The following CPAMD8 variants were observed in gnomAD, a reference collection of about 807,000 sequenced individuals.
CPAMD8 encodes the protein C3 and PZP like alpha-2-macroglobulin domain containing 8.
A neutral mutation model predicts 224.7 loss-of-function variants in CPAMD8; 146 were observed. The observed-to-expected ratio is 0.65, with a 90% CI of 0.57 to 0.75. The LOEUF (loss-of-function observed/expected upper bound fraction) is 0.75, where lower values mean the gene tolerates loss of function less well. Among genes scored for constraint, CPAMD8 ranks in the 30% least tolerant of loss-of-function variants. CPAMD8 has a pLI of 0.00. For missense variants in CPAMD8, 2,301 were observed against 2,537.5 expected, an observed-to-expected ratio of 0.91 and a Z score of 2.00; for synonymous variants, 966 against 1,044.6, an observed-to-expected ratio of 0.92 and a Z score of 1.45.
At chr19:17,020,473 A>G (rs1442741962) in intron 2 of CPAMD8, 120 bp from the exon 3 acceptor site, 2 of 728,220 alleles carry the variant, frequency 2.7e-6, no homozygotes, top group African/African-American at 1.8e-5. Flanking sequence ...GTGGACAAAC[A>G]CACCCTGGGT....
chr19:16,906,370 CTTTCTTTCT>C (rs2052494000), intron 30 of CPAMD8, among the ~76,000 whole-genome samples: 4 of 90,764 alleles, frequency 4.4e-5, no homozygotes, highest in South Asian at 8.3e-4. Flanking sequence ...TTCTTTCTTT[CTTTCTTTCT>C]TTCTTTCTTT....
intron 18 of CPAMD8, among the ~76,000 whole-genome samples, chr19:16,958,120 GT>G (rs2054533143): frequency 6.6e-6 from 1 of 152,058 alleles, no homozygotes; most frequent in African/African-American, 2.4e-5. Context: ...GACATAACTT[GT>G]TTTTTTAAAA....
intron 1 of CPAMD8, among the ~76,000 whole-genome samples, chr19:17,025,486 A>G (rs981209575): frequency 6.6e-6 from 1 of 152,184 alleles, no homozygotes; most frequent in African/African-American, 2.4e-5. Context: ...AGGGTCTCTC[A>G]TTGGAGCCAA....
chr19:16,934,758 A>G (rs1386671069), intron 23 of CPAMD8, among the ~76,000 whole-genome samples: 1 of 152,198 alleles, frequency 6.6e-6, no homozygotes, highest in East Asian at 1.9e-4. Context: ...AATTTCTGCA[A>G]TACACATGTA....
chr19:16,934,681 A>G (rs1193613268), intron 23 of CPAMD8, among the ~76,000 whole-genome samples: 6 of 152,186 alleles, frequency 3.9e-5, no homozygotes, highest in Non-Finnish European at 8.8e-5. Context: ...AGCAAATACA[A>G]CAAAATGTCA....
In CPAMD8 at chr19:16,977,766, G is replaced by A. The variant is rs930325592; in HGVS notation, c.1586-226C>T. ...GTCACCATGGGCTCCTACAGAGCAGGCTGGAATTTGCCTAGAATCATCCTC... is the reference window on the plus strand; with the variant it reads ...GTCACCATGGGCTCCTACAGAGCAGACTGGAATTTGCCTAGAATCATCCTC... On this transcript the variant is annotated intron_variant, in intron 14 of 41. Transcript: ENST00000443236. Among the ~76,000 whole-genome samples, 10 of 152,166 alleles carry A rather than the reference G, an allele frequency of 6.6e-5. No individual in the cohort carries two copies. The South Asian group carries it at 1.0e-3, about 16-fold the overall frequency.
At chr19:16,915,312 T>C (rs2052906152) in intron 27 of CPAMD8, among the ~76,000 whole-genome samples, 1 of 152,020 alleles carries the variant, frequency 6.6e-6, no homozygotes, top group African/African-American at 2.4e-5. Flanking sequence ...GGAATGGGCA[T>C]GTGATGCAAT....
intron 41 of CPAMD8, chr19:16,895,642 T>G: frequency 2.9e-6 from 1 of 347,078 alleles, no homozygotes; most frequent in South Asian, 2.2e-5. Context: ...CACTGTTAAC[T>G]ACAGGCAAAA....
At chr19:16,903,433 G>A in intron 34 of CPAMD8, 128 bp downstream of exon 34, 1 of 1,379,008 alleles carries the variant, frequency 7.3e-7, no homozygotes, top group Non-Finnish European at 1.0e-6. Flanking sequence ...CTGAAAACCT[G>A]TCCTGCAGTC....
At position 16,993,536 on chromosome 19, in the gene CPAMD8, C is replaced by A. The variant is rs2056028314; in HGVS notation, c.1146G>T (p.Gln382His). The A allele has an allele frequency of 6.2e-7, 1 of 1,614,200 alleles. No individual in the cohort carries two copies. The highest frequency in any genetic ancestry group is 8.5e-7 in the Non-Finnish European group (1 of 1,180,034). ...CCTTTGGTGTCAGCTCTGCCTTAAT[C>A]TGGACCGTCACCCCCTCAGCTGGGC... The part of the protein sequence containing the change: ...DGSPAEGVTV[Q>H]IKAELTPKDN... The change falls in exon 12 of 42, where the codon CAG (glutamine) becomes CAT (histidine). Residue 382 changes from glutamine to histidine, a missense_variant. Physicochemically the swap from Gln to His is conservative, Grantham distance 24 (BLOSUM62 0). This residue lies in a region of CPAMD8 where 301 missense variants were observed against 406.6 expected (regional missense o/e 0.74). Transcript: ENST00000443236.
chr19:16,893,357 T>A lies in CPAMD8; in HGVS notation c.5427-18A>T. ...CTGTGACCCTGGAGATGAGGTTTTATCTTACAACATCCTCTACAGCAAGTG... is the reference window on the plus strand; with the variant it reads ...CTGTGACCCTGGAGATGAGGTTTTAACTTACAACATCCTCTACAGCAAGTG... On this transcript the variant is annotated intron_variant, in intron 41 of 41. Coordinates refer to ENST00000443236, the MANE Select transcript of CPAMD8 (RefSeq NM_015692.5). 1.4e-6 allele frequency: 2 copies of A among 1,476,682 alleles called. No homozygotes were observed. Among genetic ancestry groups the A allele is most frequent in the Non-Finnish European group, 1.8e-6 (2 of 1,098,052 alleles). The allele number at this position is 1,476,682 out of a possible 1,614,324, so 91.5% of individuals were successfully genotyped here.
At position 16,921,926 on chromosome 19, in the gene CPAMD8, C is replaced by T. The variant is rs374021755; in HGVS notation, c.3608G>A (p.Arg1203Gln). 1.0e-5 allele frequency: 16 copies of T among 1,546,192 alleles called. No individual in the cohort carries two copies. The highest frequency in any genetic ancestry group is 1.2e-5 in the Non-Finnish European group (14 of 1,146,614). Residue 1203 changes from arginine to glutamine, a missense_variant, in exon 27 of 42, where the codon CGG becomes CAG. By Grantham distance (43) the Arg-to-Gln change is conservative (BLOSUM62 1). Around this residue, in one of 4 missense-constraint regions of CPAMD8, gnomAD observed 1,709 missense variants for 1,753.2 expected, o/e 0.97. Coordinates refer to ENST00000443236, the MANE Select transcript of CPAMD8 (RefSeq NM_015692.5). ...TCACCACATGCTCCCCGATGCGTCCCGCTCCCCAAACGCGCTGTAGGAGCC... is the reference window on the plus strand; with the variant it reads ...TCACCACATGCTCCCCGATGCGTCCTGCTCCCCAAACGCGCTGTAGGAGCC... ...QDGSYSAFGERDASGSMWLTA... is the reference protein window; with the variant it reads ...QDGSYSAFGEQDASGSMWLTA...
Position 16,914,698 on chromosome 19 carries a change from A to G in CPAMD8, c.3745T>C (p.Ser1249Pro), listed in dbSNP as rs1025129028. 6 of 1,614,082 alleles carry G rather than the reference A, an allele frequency of 3.7e-6. No homozygotes were observed. The highest frequency in any genetic ancestry group is 5.1e-6 in the Non-Finnish European group (6 of 1,179,974). The change falls in exon 28 of 42, where the codon TCC (serine) becomes CCC (proline). Residue 1249 changes from serine (S) to proline (P), a missense_variant. Ser to Pro is a moderately conservative substitution (Grantham distance 74, BLOSUM62 -1). Transcript: ENST00000443236. Reference protein sequence around the residue: ...WIIQQQQADGSFLAVGRVLNK... With the variant: ...WIIQQQQADGPFLAVGRVLNK... ...AGGACCCTGCCCACGGCCAGGAAGG[A>G]GCCATCGGCCTGCTGCTGCTGGATG...
rs1276116437 is a variant in CPAMD8 at position 16,898,872 on chromosome 19, A to G, written c.4848+603T>C. Among the ~76,000 whole-genome samples, 4 of 151,826 alleles carry G rather than the reference A, an allele frequency of 2.6e-5. No individual in the cohort carries two copies. Among genetic ancestry groups the G allele is most frequent in the Non-Finnish European group, 5.9e-5 (4 of 67,984 alleles). On this transcript the variant is annotated intron_variant, in intron 37 of 41. Transcript: ENST00000443236. This position sits in a 1 kb window ranked among gnomAD's most constrained non-coding sequence, Gnocchi z 4.2. ...CAGCCGAGGGCACAGAGCTGTCAGCATGGCCAACTCTGCCTGGAATTTATT... is the reference window on the plus strand; with the variant it reads ...CAGCCGAGGGCACAGAGCTGTCAGCGTGGCCAACTCTGCCTGGAATTTATT...
chr19:16,925,577 G>GT (rs1445040723), intron 25 of CPAMD8, among the ~76,000 whole-genome samples: 1 of 152,140 alleles, frequency 6.6e-6, no homozygotes, highest in Non-Finnish European at 1.5e-5. Flanking sequence ...GTGTTCTTTA[G>GT]TTTTAACTCA....
chr19:16,950,786 C>G (rs1411079983), intron 20 of CPAMD8, among the ~76,000 whole-genome samples: 3 of 129,758 alleles, frequency 2.3e-5, no homozygotes, highest in Non-Finnish European at 4.7e-5. Context: ...GAGTAAGACC[C>G]TGTCTCGAAA....
At chr19:16,920,203 T>C (rs2053115289) in intron 27 of CPAMD8, among the ~76,000 whole-genome samples, 1 of 152,172 alleles carries the variant, frequency 6.6e-6, no homozygotes, top group South Asian at 2.1e-4. Context: ...TTTTCAGCCA[T>C]GCGCGGTGGC....
intron 21 of CPAMD8, among the ~76,000 whole-genome samples, chr19:16,946,267 T>C (rs1238280150): frequency 6.6e-6 from 1 of 151,068 alleles, no homozygotes; most frequent in Non-Finnish European, 1.5e-5. Flanking sequence ...TGGGCATGTG[T>C]GTGTGTGGAT....
intron 29 of CPAMD8, chr19:16,910,460 G>A (rs2052684011): frequency 8.6e-6 from 1 of 116,054 alleles, no homozygotes; most frequent in Non-Finnish European, 1.7e-5. Context: ...AGGAGCCACT[G>A]GGCCCGCCTT....
Sources: gnomAD v4.1 joint callset for allele counts (sites outside exome capture counted in the v4.1 genomes callset) on GRCh38, gnomAD v4.1.1 for gene constraint, gnomAD v4.1.1 regional missense constraint, Gnocchi (gnomAD v3.1) non-coding constraint, MANE v1.5 for transcripts, NCBI Gene and HGNC (gene_info 2026-07-23, HGNC 2026-07-21) for gene names.